Variants in SFRP4 observed in about 807,000 individuals in gnomAD.
The protein encoded by SFRP4 is secreted frizzled related protein 4, also known as secreted frizzled-related protein 4.
SFRP4 carries 25 observed loss-of-function variants against 36.3 expected under a neutral mutation model. The observed-to-expected ratio is 0.69, with a 90% confidence interval of 0.50 to 0.96. The LOEUF (loss-of-function observed/expected upper bound fraction) is 0.96. Ranked by LOEUF, SFRP4 falls within the 40% of genes least tolerant of loss-of-function variation. The pLI is 0.00. For synonymous variants in SFRP4, 182 were observed against 168.8 expected (o/e 1.08, Z -0.60); for missense variants, 487 against 459.6 (o/e 1.06, Z -0.54).
rs546060705 is a variant in SFRP4 at position 37,907,449 on chromosome 7, C to T, written c.*30G>A. ...GCCCAGCCTCATCCTGTAAGGAAGTCGGAAGTCTCCGCTTTGGAAACTAGT... is the reference window on the plus strand; with the variant it reads ...GCCCAGCCTCATCCTGTAAGGAAGTTGGAAGTCTCCGCTTTGGAAACTAGT... On this transcript the variant is annotated 3_prime_UTR_variant, in exon 6 of 6. Transcript: ENST00000436072. 5.7e-6 allele frequency: 9 copies of T among 1,591,238 alleles called. No homozygotes were observed. The highest frequency in any genetic ancestry group is 5.4e-5 in the African/African-American group (4 of 74,282).
chr7:37,914,330 G>C (rs762004233), intron 2 of SFRP4, 43 bp downstream of exon 2: 6 of 1,609,306 alleles, frequency 3.7e-6, no homozygotes, highest in Non-Finnish European at 5.1e-6. Context: ...AAATCACTCT[G>C]GAGAGGAGAA....
rs1785582718 is a variant in SFRP4 at position 37,916,517 on chromosome 7, C to T, written c.21G>A (p.Val7=). MFLSIL[V]ALCLWLHLAL... is the part of the protein sequence containing the mutation. ...CCAGGTGCAGCCACAGGCACAGCGC[C>T]ACTAGGATGGAGAGGAACATGGCAC... The change falls in exon 1 of 6, where the codon GTG becomes GTA. Residue 7 remains valine, a synonymous_variant. Coordinates refer to ENST00000436072, the MANE Select transcript of SFRP4 (RefSeq NM_003014.4). This position sits in a 1 kb window ranked among gnomAD's most constrained non-coding sequence, Gnocchi z 4.1. The T allele has an allele frequency of 1.2e-6, 2 of 1,610,096 alleles. No individual in the cohort carries two copies. The highest frequency in any genetic ancestry group is 1.7e-6 in the Non-Finnish European group (2 of 1,179,434).
chr7:37,916,812 G>T lies in SFRP4; in HGVS notation c.-275C>A, dbSNP rs976672332. The T allele has an allele frequency of 3.8e-6, 2 of 530,606 alleles. No individual in the cohort carries two copies. Among genetic ancestry groups the T allele is most frequent in the Non-Finnish European group, 6.7e-6 (2 of 299,544 alleles). 32.9% of individuals were successfully genotyped at this position (530,606 alleles called of 1,614,324 possible). On this transcript the variant is annotated 5_prime_UTR_variant, in exon 1 of 6. Transcript: ENST00000436072. This position sits in a 1 kb window ranked among gnomAD's most constrained non-coding sequence, Gnocchi z 4.1. ...AGTCCCGGACTCCGCAGCTCGGAGCGCAGCCAGCCACGGCCATTGCGGGAC... is the reference window on the plus strand; with the variant it reads ...AGTCCCGGACTCCGCAGCTCGGAGCTCAGCCAGCCACGGCCATTGCGGGAC...
At position 37,907,608 on chromosome 7, in the gene SFRP4, T is replaced by A. The variant is rs761310895; in HGVS notation, c.912A>T (p.Thr304=). The change falls in exon 6 of 6, where the codon ACA becomes ACT. Residue 304 remains threonine (T), a synonymous_variant. Coordinates refer to ENST00000436072, the MANE Select transcript of SFRP4 (RefSeq NM_003014.4). The stretch of plus-strand genomic sequence containing the variant: ...GATTACTACGACTGGTGCGCCCGGC[T>A]GTTTTCTTCTTGTCCTGAACTGTTC... The part of the protein sequence containing the change: ...QRRTVQDKKK[T]AGRTSRSNPP... The A allele has an allele frequency of 3.1e-6, 5 of 1,613,890 alleles. No individual in the cohort carries two copies. The Admixed American group carries it at 8.3e-5, about 27-fold the overall frequency.
chr7:37,910,711 T>C (rs1785474043), intron 4 of SFRP4, among the ~76,000 whole-genome samples: 3 of 152,298 alleles, frequency 2.0e-5, no homozygotes, highest in South Asian at 2.1e-4. Context: ...TGTATTTTTT[T>C]ACAAATAGGA....
At chr7:37,912,051 G>T in intron 4 of SFRP4, 68 bp downstream of exon 4, 2 of 1,215,762 alleles carry the variant, frequency 1.6e-6, no homozygotes, top group South Asian at 2.9e-5. Flanking sequence ...TTTAAACCAT[G>T]ACTGCTAACT....
intron 4 of SFRP4, among the ~76,000 whole-genome samples, chr7:37,911,905 G>C (rs1400907080): frequency 1.0e-5 from 1 of 96,136 alleles, no homozygotes; most frequent in African/African-American, 3.5e-5. Flanking sequence ...GATTTTTAAA[G>C]ACTCTATTCA....
intron 4 of SFRP4, 143 bp downstream of exon 4, chr7:37,911,976 A>G: frequency 3.4e-6 from 2 of 583,904 alleles, no homozygotes; most frequent in East Asian, 2.7e-5. Context: ...AATATATGCT[A>G]TTCAAACAGA....
intron 1 of SFRP4, among the ~76,000 whole-genome samples, chr7:37,915,416 A>G (rs1420182552): frequency 6.6e-6 from 1 of 152,240 alleles, no homozygotes; most frequent in Non-Finnish European, 1.5e-5. Context: ...AAGCCTGGAT[A>G]AAAGAATGCA....
chr7:37,907,391 G>C lies in SFRP4; in HGVS notation c.*88C>G. 9.0e-7 allele frequency: 1 copy of C among 1,109,080 alleles called. No individual in the cohort carries two copies. Among genetic ancestry groups the C allele is most frequent in the South Asian group, 1.5e-5 (1 of 65,148 alleles). The allele number at this position is 1,109,080 out of a possible 1,614,324, so 68.7% of individuals were successfully genotyped here. On this transcript the variant is annotated 3_prime_UTR_variant, in exon 6 of 6. Coordinates refer to ENST00000436072, the MANE Select transcript of SFRP4 (RefSeq NM_003014.4). ...CTGCAGTGAGTTGTTAGGGCAAGGG[G>C]CACATGGCCTTACATAGGCTGTCCC...
In SFRP4 at chr7:37,914,495, G is replaced by A. The variant is rs548374689; in HGVS notation, c.446-42C>T. 103 of 1,438,494 alleles carry A rather than the reference G, an allele frequency of 7.2e-5. 1 individual carries two copies. In the South Asian group the frequency reaches 1.2e-3, roughly 16 times the overall value. The allele number at this position is 1,438,494 out of a possible 1,614,324, so 89.1% of individuals were successfully genotyped here. ...GCCACATGGGCGTGGTTGGTGATTT[G>A]GTCTGTTCACCCAGCTGGTATAAAG... On this transcript the variant is annotated intron_variant, in intron 1 of 5. Transcript: ENST00000436072.
chr7:37,916,697 G>T lies in SFRP4; in HGVS notation c.-160C>A. ...GTCGGCAGCAAAGCGGGGCCGCGGG[G>T]TCCGGCCGCGGAGCTCCGCCGTCTG... On this transcript the variant is annotated 5_prime_UTR_variant, in exon 1 of 6. Transcript: ENST00000436072. This position sits in a 1 kb window ranked among gnomAD's most constrained non-coding sequence, Gnocchi z 4.1. 8.6e-7 allele frequency: 1 copy of T among 1,157,892 alleles called. No individual in the cohort carries two copies. Among genetic ancestry groups the T allele is most frequent in the Non-Finnish European group, 1.2e-6 (1 of 843,488 alleles). 71.7% of individuals were successfully genotyped at this position (1,157,892 alleles called of 1,614,324 possible). A position where few individuals can be genotyped will look rare whatever the true frequency, so the allele number is the denominator to read the frequency against.
Position 37,912,326 on chromosome 7 carries a change from T to TA in SFRP4, c.593-10dup. On this transcript the variant is annotated splice_polypyrimidine_tract_variant and intron_variant, in intron 3 of 5. Coordinates refer to ENST00000436072, the MANE Select transcript of SFRP4 (RefSeq NM_003014.4). ...TATTTTGGCATGAATAACTGCAATT[T>TA]AAAAATAGATAAAAGTGTTGTTGAA... 2 of 1,609,302 alleles carry TA rather than the reference T, an allele frequency of 1.2e-6. No individual in the cohort carries two copies. Among genetic ancestry groups the TA allele is most frequent in the South Asian group, 1.1e-5 (1 of 90,934 alleles).
In SFRP4 at chr7:37,907,592, G is replaced by C. The variant is rs776519995; in HGVS notation, c.928C>G (p.Arg310Gly). ...CCCTTTGGTTTGGGGGGATTACTACGACTGGTGCGCCCGGCTGTTTTCTTC... is the reference window on the plus strand; with the variant it reads ...CCCTTTGGTTTGGGGGGATTACTACCACTGGTGCGCCCGGCTGTTTTCTTC... ...DKKKTAGRTS[R>G]SNPPKPKGKP... Residue 310 changes from arginine to glycine, a missense_variant, in exon 6 of 6, where the codon CGT (arginine) becomes GGT (glycine). Arg to Gly is a moderately radical substitution (Grantham distance 125, BLOSUM62 -2). Transcript: ENST00000436072. 6.2e-7 allele frequency: 1 copy of C among 1,613,700 alleles called. No homozygotes were observed.
chr7:37,914,376 G>A lies in SFRP4; in HGVS notation c.523C>T (p.Pro175Ser). ...CGTCCATGAAGAAAGAACTCACCGG[G>A]GCTTAGGCGTTTACAGTCAACATCA... is the stretch of plus-strand genomic sequence containing the variant. ...PLDVDCKRLSPDRCKCKKVKP... is the reference protein window; with the variant it reads ...PLDVDCKRLSSDRCKCKKVKP... Residue 175 changes from proline (P) to serine (S), a missense_variant, in exon 2 of 6, where the codon CCC becomes TCC. Physicochemically the swap from Pro to Ser is moderately conservative, Grantham distance 74. Coordinates refer to ENST00000436072, the MANE Select transcript of SFRP4 (RefSeq NM_003014.4). 6 of 1,613,230 alleles carry A rather than the reference G, an allele frequency of 3.7e-6. No homozygotes were observed. The highest frequency in any genetic ancestry group is 4.2e-6 in the Non-Finnish European group (5 of 1,179,208).
chr7:37,909,230 G>A (rs1186677432), intron 5 of SFRP4, among the ~76,000 whole-genome samples: 1 of 152,090 alleles, frequency 6.6e-6, no homozygotes, highest in Non-Finnish European at 1.5e-5. Context: ...TATAGTGATA[G>A]GGTAAGTTTT....
Position 37,916,658 on chromosome 7 carries a change from TC to T in SFRP4, c.-122del. 1 of 1,388,640 alleles carries T rather than the reference TC, an allele frequency of 7.2e-7. No homozygotes were observed. Among genetic ancestry groups the T allele is most frequent in the Non-Finnish European group, 9.5e-7 (1 of 1,047,540 alleles). 86.0% of individuals were successfully genotyped at this position (1,388,640 alleles called of 1,614,324 possible). ...TCCTCTGGGGCGCAGGAGAGTTTCTTCCCCCAAACTCCAGTCGGCAGCAAAG... is the reference window on the plus strand; with the variant it reads ...TCCTCTGGGGCGCAGGAGAGTTTCTTCCCCAAACTCCAGTCGGCAGCAAAG... On this transcript the variant is annotated 5_prime_UTR_variant, in exon 1 of 6. Transcript: ENST00000436072. The surrounding 1 kb of genome is among the most constrained non-coding windows in gnomAD (Gnocchi z 4.1).
chr7:37,915,962 C>G, intron 1 of SFRP4, 131 bp downstream of exon 1: 1 of 1,344,254 alleles, frequency 7.4e-7, no homozygotes. Flanking sequence ...GAAAATGTTT[C>G]CCCCATTCTT....
At position 37,907,591 on chromosome 7, in the gene SFRP4, C is replaced by G; in HGVS notation, c.929G>C (p.Arg310Pro). ...DKKKTAGRTS[R>P]SNPPKPKGKP... The stretch of plus-strand genomic sequence containing the variant: ...TCCCTTTGGTTTGGGGGGATTACTA[C>G]GACTGGTGCGCCCGGCTGTTTTCTT... The change falls in exon 6 of 6, where the codon CGT becomes CCT. Residue 310 changes from arginine (R) to proline (P), a missense_variant. By Grantham distance (103) the Arg-to-Pro change is moderately radical (BLOSUM62 -2). Transcript: ENST00000436072. The G allele has an allele frequency of 6.2e-7, 1 of 1,613,764 alleles. No homozygotes were observed. Among genetic ancestry groups the G allele is most frequent in the Non-Finnish European group, 8.5e-7 (1 of 1,179,812 alleles).
Sources: allele counts gnomAD v4.1 joint callset (sites outside exome capture counted in the v4.1 genomes callset), GRCh38; gene constraint gnomAD v4.1.1; non-coding constraint Gnocchi (gnomAD v3.1); transcripts MANE v1.5; gene names NCBI Gene and HGNC (gene_info 2026-07-23, HGNC 2026-07-21).